Variants in NELFB observed in about 807,000 individuals in gnomAD.
NELFB encodes the protein negative elongation factor B.
In NELFB, 34 loss-of-function variants were observed where a neutral mutation model predicts 60.2. The ratio of observed to expected loss-of-function variants is 0.56; its 90% CI spans 0.43 to 0.75. NELFB has a LOEUF of 0.75. Ranked by LOEUF, NELFB falls within the 30% of genes least tolerant of loss-of-function variation. The pLI, the probability that NELFB is intolerant of heterozygous loss-of-function variation, is 0.00. For synonymous variants in NELFB, 459 were observed against 382.1 expected, an observed-to-expected ratio of 1.20 and a Z score of -2.35; for missense variants, 770 against 831.6, an observed-to-expected ratio of 0.93 and a Z score of 0.91.
intron 6 of NELFB, among the ~76,000 whole-genome samples, chr9:137,265,229 C>T (rs1340128284): frequency 6.6e-6 from 1 of 151,158 alleles, no homozygotes; most frequent in African/African-American, 2.4e-5. Context: ...CCACCTCGCC[C>T]GGGCTAGTCT....
Position 137,255,490 on chromosome 9 carries a change from C to A in NELFB, c.125C>A (p.Ala42Glu). The A allele has an allele frequency of 2.6e-6, 4 of 1,524,726 alleles. No individual in the cohort carries two copies. The highest frequency in any genetic ancestry group is 3.5e-6 in the Non-Finnish European group (4 of 1,137,260). The allele number at this position is 1,524,726 out of a possible 1,614,324, so 94.4% of individuals were successfully genotyped here. A position where few individuals can be genotyped will look rare whatever the true frequency, so the allele number is the denominator to read the frequency against. ...GCTGGGGATGGGGCGCCTAGCCGGG[C>A]GGTGGCCGGGGCCTCGGCCATGTTC... The change falls in exon 1 of 13, where the codon GCG (alanine) becomes GAG (glutamate). Residue 42 changes from alanine (A) to glutamate (E), a missense_variant. Ala to Glu is a moderately radical substitution (Grantham distance 107). Transcript: ENST00000343053.
rs370626241 is a variant in NELFB, at chr9:137,255,608, C to T, written c.243C>T (p.Phe81=). 105 of 1,547,002 alleles carry T rather than the reference C, an allele frequency of 6.8e-5. No homozygotes were observed. Among genetic ancestry groups the T allele is most frequent in the South Asian group, 2.0e-4 (17 of 83,998 alleles). Residue 81 remains phenylalanine (F), a synonymous_variant, in exon 1 of 13, where the codon TTC becomes TTT. Transcript: ENST00000343053. ...AGCCGCTCAAGGCCATCGAGCAGTTCCAGGTGGGGCGGCCCCCGGGGCGGG... is the reference window on the plus strand; with the variant it reads ...AGCCGCTCAAGGCCATCGAGCAGTTTCAGGTGGGGCGGCCCCCGGGGCGGG...
In NELFB at chr9:137,267,126, G is replaced by A. The variant is rs373004598; in HGVS notation, c.1382+40G>A. The A allele has an allele frequency of 5.2e-5, 84 of 1,613,194 alleles. No individual in the cohort carries two copies. The African/African-American group carries it at 1.0e-3, about 19-fold the overall frequency. ...GCCATGGTGCAGGGGTGGCCGTGGC[G>A]CAGGGATGGCACTGTTGCCCAGGGG... On this transcript the variant is annotated intron_variant, in intron 9 of 12. Transcript: ENST00000343053.
At position 137,255,626 on chromosome 9, in the gene NELFB, G is replaced by C; in HGVS notation, c.246+15G>C. The stretch of plus-strand genomic sequence containing the variant: ...AGCAGTTCCAGGTGGGGCGGCCCCC[G>C]GGGCGGGGGGAGCCCAGTTGGAGGG... On this transcript the variant is annotated intron_variant, in intron 1 of 12. Coordinates refer to ENST00000343053, the MANE Select transcript of NELFB (RefSeq NM_015456.5). 1 of 1,541,292 alleles carries C rather than the reference G, an allele frequency of 6.5e-7. No individual in the cohort carries two copies. The highest frequency in any genetic ancestry group is 2.0e-5 in the Admixed American group (1 of 48,782).
At chr9:137,255,803 C>T in intron 1 of NELFB, 104 bp from the exon 2 acceptor site, 1 of 1,544,496 alleles carries the variant, frequency 6.5e-7, no homozygotes, top group Middle Eastern at 1.9e-4. Flanking sequence ...CGGTTACCGC[C>T]AGCACGGCTG....
chr9:137,260,413 T>A (rs1830422116), intron 4 of NELFB, among the ~76,000 whole-genome samples: 1 of 149,252 alleles, frequency 6.7e-6, no homozygotes, highest in African/African-American at 2.4e-5. Context: ...TTATTTATTT[T>A]ATTTTAATTT....
In NELFB at chr9:137,273,325, C is replaced by T. The variant is rs901134233; in HGVS notation, c.*397C>T. 4.6e-5 allele frequency: 8 copies of T among 173,428 alleles called. No individual in the cohort carries two copies. The highest frequency in any genetic ancestry group is 7.1e-5 in the African/African-American group (3 of 42,072). The allele number at this position is 173,428 out of a possible 1,614,324, so 10.7% of individuals were successfully genotyped here. A position where few individuals can be genotyped will look rare whatever the true frequency, so the allele number is the denominator to read the frequency against. The stretch of plus-strand genomic sequence containing the variant: ...TGCCTTGGGGTTGTGGAGATGGACC[C>T]GTGACCTCGTGGAGGCCGTGTGGGG... On this transcript the variant is annotated 3_prime_UTR_variant, in exon 13 of 13. Coordinates refer to ENST00000343053, the MANE Select transcript of NELFB (RefSeq NM_015456.5).
chr9:137,262,361 G>C (rs1830459377), intron 4 of NELFB, among the ~76,000 whole-genome samples: 1 of 152,144 alleles, frequency 6.6e-6, no homozygotes, highest in African/African-American at 2.4e-5. Context: ...CCAGATGCTG[G>C]CGTCACCGCT....
At chr9:137,262,328 TC>T (rs1211370040) in intron 4 of NELFB, among the ~76,000 whole-genome samples, 4 of 152,314 alleles carry the variant, frequency 2.6e-5, no homozygotes, top group African/African-American at 9.6e-5. Flanking sequence ...TAGACCCTGG[TC>T]CGCCTGGCAA....
At chr9:137,272,412 C>G (rs2118992703) in intron 11 of NELFB, 95 bp from the exon 12 acceptor site, 2 of 1,455,092 alleles carry the variant, frequency 1.4e-6, no homozygotes, top group African/African-American at 2.8e-5. Flanking sequence ...CTGGCCATGT[C>G]CTGTCTCCAG....
chr9:137,264,422 T>A, intron 6 of NELFB, 65 bp downstream of exon 6: 1 of 1,190,384 alleles, frequency 8.4e-7, no homozygotes, highest in Non-Finnish European at 1.2e-6. Context: ...CTGCGCTTGC[T>A]GTGTTTTGCC....
At position 137,272,961 on chromosome 9, in the gene NELFB, A is replaced by G; in HGVS notation, c.*33A>G. The stretch of plus-strand genomic sequence containing the variant: ...CCAGACCTGCTCGGGTGCTGGGGCC[A>G]TGCCGAGTCGCGGCCCTGCTCAGCC... On this transcript the variant is annotated 3_prime_UTR_variant, in exon 13 of 13. Transcript: ENST00000343053. The G allele has an allele frequency of 1.4e-6, 2 of 1,477,340 alleles. No homozygotes were observed. Among genetic ancestry groups the G allele is most frequent in the East Asian group, 2.5e-5 (1 of 39,812 alleles). 91.5% of individuals were successfully genotyped at this position (1,477,340 alleles called of 1,614,324 possible).
chr9:137,259,799 A>G lies in NELFB; in HGVS notation c.741+2745A>G, dbSNP rs1218636881. Reference sequence around the variant, plus strand: ...GAGTGCAGTGGCACGATCTTGGCTCACTGCAAGCTCCGCCTCCCGGGTTCA... The same window carrying G: ...GAGTGCAGTGGCACGATCTTGGCTCGCTGCAAGCTCCGCCTCCCGGGTTCA... On this transcript the variant is annotated intron_variant, in intron 4 of 12. Coordinates refer to ENST00000343053, the MANE Select transcript of NELFB (RefSeq NM_015456.5). 2.0e-5 allele frequency among the ~76,000 whole-genome samples: 3 copies of G among 151,014 alleles called. No individual in the cohort carries two copies. In the East Asian group the frequency reaches 5.8e-4, roughly 29 times the overall value.
intron 1 of NELFB, 75 bp downstream of exon 1, chr9:137,255,686 G>A: frequency 6.8e-7 from 1 of 1,473,188 alleles, no homozygotes; most frequent in African/African-American, 1.4e-5. Flanking sequence ...GCCTGGCGGA[G>A]GCGCCGGAAG....
intron 10 of NELFB, among the ~76,000 whole-genome samples, chr9:137,271,610 C>G: frequency 6.6e-6 from 1 of 152,388 alleles, no homozygotes; most frequent in East Asian, 1.9e-4. Context: ...GTTTCGTTCT[C>G]TTTCCTGTGG....
In NELFB at chr9:137,266,937, C is replaced by G. The variant is rs1004225829; in HGVS notation, c.1240-7C>G. On this transcript the variant is annotated splice_region_variant and splice_polypyrimidine_tract_variant and intron_variant, in intron 8 of 12. Coordinates refer to ENST00000343053, the MANE Select transcript of NELFB (RefSeq NM_015456.5). ...CCGCGCCCGCTCATGGCCTCCCCTC[C>G]TCGTAGGAGGTAGAGCTCATCACCA... is the stretch of plus-strand genomic sequence containing the variant. The G allele has an allele frequency of 2.2e-5, 36 of 1,612,718 alleles. No homozygotes were observed. The highest frequency in any genetic ancestry group is 3.1e-5 in the Non-Finnish European group (36 of 1,179,860).
chr9:137,264,364 G>T lies in NELFB; in HGVS notation c.1040+7G>T, dbSNP rs1830493425. The T allele has an allele frequency of 6.4e-7, 1 of 1,572,486 alleles. No individual in the cohort carries two copies. The highest frequency in any genetic ancestry group is 1.3e-5 in the African/African-American group (1 of 74,478). On this transcript the variant is annotated splice_region_variant and intron_variant, in intron 6 of 12. Coordinates refer to ENST00000343053, the MANE Select transcript of NELFB (RefSeq NM_015456.5). The stretch of plus-strand genomic sequence containing the variant: ...GCCAGGAGCAGGTGCTGGGGTGAGG[G>T]TCGGCTCCACGAGGCCTCTGCCCCT...
In NELFB at chr9:137,255,393, C is replaced by G. The variant is rs1837533089; in HGVS notation, c.28C>G (p.Arg10Gly). Residue 10 changes from arginine to glycine, a missense_variant, in exon 1 of 13, where the codon CGG (arginine) becomes GGG (glycine). By Grantham distance (125) the Arg-to-Gly change is moderately radical. Transcript: ENST00000343053. ...GGCCGAGCTGGAGGGCGCCGGGGAG[C>G]GGGGCTCGGGCGGTCCCCGAGGCCC... The G allele has an allele frequency of 2.6e-6, 2 of 761,778 alleles. No individual in the cohort carries two copies. Among genetic ancestry groups the G allele is most frequent in the East Asian group, 7.0e-5 (2 of 28,742 alleles). The allele number at this position is 761,778 out of a possible 1,614,324, so 47.2% of individuals were successfully genotyped here.
Position 137,272,118 on chromosome 9 carries a change from C to T in NELFB, c.1527C>T (p.Phe509=), listed in dbSNP as rs1220937527. Residue 509 remains phenylalanine (F), a synonymous_variant, in exon 11 of 13, where the codon TTC becomes TTT. Transcript: ENST00000343053. ...GCGACTTGGCCTTTGGCGACATCTTCCTCCACCTGCTCACGGGCAACCTTG... is the reference window on the plus strand; with the variant it reads ...GCGACTTGGCCTTTGGCGACATCTTTCTCCACCTGCTCACGGGCAACCTTG... The T allele has an allele frequency of 1.1e-5, 17 of 1,614,214 alleles. No homozygotes were observed. Among genetic ancestry groups the T allele is most frequent in the Non-Finnish European group, 1.4e-5 (16 of 1,180,030 alleles).
Sources: allele counts gnomAD v4.1 joint callset (sites outside exome capture counted in the v4.1 genomes callset), GRCh38; gene constraint gnomAD v4.1.1; transcripts MANE v1.5; gene names NCBI Gene and HGNC (gene_info 2026-07-23, HGNC 2026-07-21).